INTS7: variants seen among roughly 807,000 people sequenced by gnomAD.
The protein encoded by INTS7 is chromosome 1 open reading frame 73.
A neutral mutation model predicts 109.2 loss-of-function variants in INTS7; 46 were observed. The observed-to-expected ratio is 0.42, with a 90% CI of 0.33 to 0.54. The LOEUF is 0.54. Among genes scored for constraint, INTS7 ranks in the 20% least tolerant of loss-of-function variants. INTS7 has a pLI of 0.07. For missense variants in INTS7, 929 were observed against 1,132.4 expected, an observed-to-expected ratio of 0.82 and a Z score of 2.58; for synonymous variants, 412 against 402.9, an observed-to-expected ratio of 1.02 and a Z score of -0.27.
intron 7 of INTS7, among the ~76,000 whole-genome samples, chr1:211,998,105 T>C (rs1378029463): frequency 6.6e-6 from 1 of 152,212 alleles, no homozygotes; most frequent in East Asian, 1.9e-4. Context: ...ACTGTAAGTG[T>C]ATACCACTAT....
At chr1:211,996,278 C>T (rs2102451543) in intron 7 of INTS7, among the ~76,000 whole-genome samples, 1 of 152,038 alleles carries the variant, frequency 6.6e-6, no homozygotes, top group East Asian at 1.9e-4. Flanking sequence ...AAAAATTAGC[C>T]AGGCATGGTG....
chr1:211,959,798 G>GC lies in INTS7; in HGVS notation c.2183+6631dup, dbSNP rs1553247715. 6.6e-6 allele frequency among the ~76,000 whole-genome samples: 1 copy of GC among 152,120 alleles called. No homozygotes were observed. Among genetic ancestry groups the GC allele is most frequent in the Non-Finnish European group, 1.5e-5 (1 of 68,016 alleles). ...ACAGTTCTGTGTCTGCCAGCGCCAC[G>GC]CCCCTATGCTTATACTACCACTAGT... On this transcript the variant is annotated intron_variant, in intron 16 of 19. Coordinates refer to ENST00000366994, the MANE Select transcript of INTS7 (RefSeq NM_015434.4). This position sits in a 1 kb window ranked among gnomAD's most constrained non-coding sequence, Gnocchi z 4.2.
At position 212,006,649 on chromosome 1, in the gene INTS7, T is replaced by C; in HGVS notation, c.869A>G (p.Glu290Gly). The C allele has an allele frequency of 6.5e-7, 1 of 1,531,180 alleles. No homozygotes were observed. Among genetic ancestry groups the C allele is most frequent in the Non-Finnish European group, 9.0e-7 (1 of 1,111,378 alleles). The allele number at this position is 1,531,180 out of a possible 1,614,324, so 94.8% of individuals were successfully genotyped here. The change falls in exon 7 of 20, where the codon GAG becomes GGG. Residue 290 changes from glutamate (E) to glycine (G), a missense_variant. Physicochemically the swap from Glu to Gly is moderately conservative, Grantham distance 98 (BLOSUM62 -2). Coordinates refer to ENST00000366994, the MANE Select transcript of INTS7 (RefSeq NM_015434.4). ...ANKTPHTWSR[E>G]NIQALCECAL... Reference sequence around the variant, plus strand: ...ACAAGTTCTACATACCTGAATATTCTCCCTACTCCAAGTATGTGGTGTTTT... The same window carrying C: ...ACAAGTTCTACATACCTGAATATTCCCCCTACTCCAAGTATGTGGTGTTTT...
intron 4 of INTS7, among the ~76,000 whole-genome samples, chr1:212,015,064 G>A (rs529914541): frequency 2.2e-4 from 31 of 141,992 alleles, no homozygotes; most frequent in East Asian, 1.4e-3. Flanking sequence ...GCCTCCGCCC[G>A]GCAGCCGCCC....
At chr1:212,013,219 C>T (rs1666241983) in intron 4 of INTS7, among the ~76,000 whole-genome samples, 1 of 152,138 alleles carries the variant, frequency 6.6e-6, no homozygotes, top group African/African-American at 2.4e-5. Flanking sequence ...AGGGGTCTCA[C>T]TATGTTGCCT....
At position 212,013,874 on chromosome 1, in the gene INTS7, C is replaced by T. The variant is rs995658578; in HGVS notation, c.510-2453G>A. Among the ~76,000 whole-genome samples, 19 of 152,240 alleles carry T rather than the reference C, an allele frequency of 1.2e-4. No individual in the cohort carries two copies. In the South Asian group the frequency reaches 2.3e-3, roughly 18 times the overall value. ...TACCATCTAGATTTGTGTAAGTCCT[C>T]TACAATGTTTGCACAATGATGAAAT... On this transcript the variant is annotated intron_variant, in intron 4 of 19. Transcript: ENST00000366994.
At chr1:212,017,503 C>A (rs370801599) in intron 3 of INTS7, among the ~76,000 whole-genome samples, 24 of 152,274 alleles carry the variant, frequency 1.6e-4, no homozygotes, top group African/African-American at 5.5e-4. Flanking sequence ...ATCAAGAAAG[C>A]AGTGGTTGAG....
At chr1:211,965,925 G>T (rs1023730489) in intron 16 of INTS7, among the ~76,000 whole-genome samples, 1 of 152,026 alleles carries the variant, frequency 6.6e-6, no homozygotes. Flanking sequence ...ACCTGCACAT[G>T]TAACACTGAA....
chr1:211,952,499 G>A, intron 17 of INTS7, 70 bp downstream of exon 17: 5 of 1,496,322 alleles, frequency 3.3e-6, no homozygotes, highest in Non-Finnish European at 4.6e-6. Context: ...AACTCACACA[G>A]TAAGTGCCAT....
intron 17 of INTS7, among the ~76,000 whole-genome samples, chr1:211,947,200 A>T (rs999521545): frequency 6.6e-6 from 1 of 152,210 alleles, no homozygotes; most frequent in African/African-American, 2.4e-5. Flanking sequence ...GGTCGAATTC[A>T]GATGAAAGAG....
intron 7 of INTS7, among the ~76,000 whole-genome samples, chr1:211,990,008 C>T (rs906048436): frequency 6.6e-6 from 1 of 152,050 alleles, no homozygotes; most frequent in Non-Finnish European, 1.5e-5. Flanking sequence ...TAATACATAA[C>T]ACTGAAGAAT....
Position 211,942,133 on chromosome 1 carries a change from C to G in INTS7, c.2602-22G>C, listed in dbSNP as rs765014495. The G allele has an allele frequency of 6.2e-7, 1 of 1,607,376 alleles. No individual in the cohort carries two copies. Among genetic ancestry groups the G allele is most frequent in the South Asian group, 1.1e-5 (1 of 89,932 alleles). On this transcript the variant is annotated intron_variant, in intron 19 of 19. Transcript: ENST00000366994. The surrounding 1 kb of genome is among the most constrained non-coding windows in gnomAD (Gnocchi z 4.2). ...GTATCTGCAATGAAACAATTGTTAACTAACAACAATGGCTAACATTTCTTC... is the reference window on the plus strand; with the variant it reads ...GTATCTGCAATGAAACAATTGTTAAGTAACAACAATGGCTAACATTTCTTC...
chr1:212,023,438 C>T (rs1051109288), intron 1 of INTS7, among the ~76,000 whole-genome samples: 1 of 152,080 alleles, frequency 6.6e-6, no homozygotes, highest in Non-Finnish European at 1.5e-5. Flanking sequence ...CAATAATAGC[C>T]ATTTTGACTG....
intron 3 of INTS7, among the ~76,000 whole-genome samples, chr1:212,019,036 G>C (rs544003066): frequency 6.6e-6 from 1 of 152,178 alleles, no homozygotes; most frequent in Non-Finnish European, 1.5e-5. Context: ...GATCACCTGA[G>C]GTCAGGAGTT....
At chr1:211,962,679 T>C (rs1378449617) in intron 16 of INTS7, among the ~76,000 whole-genome samples, 1 of 152,142 alleles carries the variant, frequency 6.6e-6, no homozygotes, top group African/African-American at 2.4e-5. Context: ...ATAACCACTT[T>C]CTTGGACCAC....
intron 1 of INTS7, among the ~76,000 whole-genome samples, chr1:212,034,509 C>G (rs1667330020): frequency 6.6e-6 from 1 of 152,088 alleles, no homozygotes; most frequent in Admixed American, 6.6e-5. Context: ...AAATGTTTCC[C>G]GTACAATAAA....
chr1:211,940,767 A>G lies in INTS7; in HGVS notation c.*1057T>C, dbSNP rs1324726432. Reference sequence around the variant, plus strand: ...ATCAGTCTAGCATAACTCATCAAGTATAAACCAAACCAATCACCAACCAAA... The same window carrying G: ...ATCAGTCTAGCATAACTCATCAAGTGTAAACCAAACCAATCACCAACCAAA... On this transcript the variant is annotated 3_prime_UTR_variant, in exon 20 of 20. Coordinates refer to ENST00000366994, the MANE Select transcript of INTS7 (RefSeq NM_015434.4). 1 of 152,260 alleles carries G rather than the reference A, an allele frequency of 6.6e-6. No homozygotes were observed. The highest frequency in any genetic ancestry group is 2.4e-5 in the African/African-American group (1 of 41,472). The allele number at this position is 152,260 out of a possible 1,614,324, so 9.4% of individuals were successfully genotyped here.
At chr1:211,992,784 C>T (rs1256528565) in intron 7 of INTS7, among the ~76,000 whole-genome samples, 2 of 152,196 alleles carry the variant, frequency 1.3e-5, no homozygotes, top group East Asian at 1.9e-4. Flanking sequence ...AGAAATGATA[C>T]GTCAATCACA....
At chr1:212,015,935 A>T (rs1666418925) in intron 4 of INTS7, among the ~76,000 whole-genome samples, 1 of 151,414 alleles carries the variant, frequency 6.6e-6, no homozygotes, top group Admixed American at 6.6e-5. Context: ...TACGGCTTTT[A>T]TTTTTTTTAA....
Sources: gnomAD v4.1 joint callset for allele counts (sites outside exome capture counted in the v4.1 genomes callset) on GRCh38, gnomAD v4.1.1 for gene constraint, Gnocchi (gnomAD v3.1) non-coding constraint, MANE v1.5 for transcripts, NCBI Gene and HGNC (gene_info 2026-07-23, HGNC 2026-07-21) for gene names.